ZNF300: variants seen among roughly 807,000 people sequenced by gnomAD.
The protein encoded by ZNF300 is kruppel-like zinc finger protein.
A neutral mutation model predicts 13.9 loss-of-function variants in ZNF300; 6 were observed. The observed-to-expected ratio is 0.43, with a 90% confidence interval of 0.24 to 0.85. The LOEUF (loss-of-function observed/expected upper bound fraction) is 0.85. Among genes scored for constraint, ZNF300 ranks in the 40% least tolerant of loss-of-function variants. The probability of loss-of-function intolerance (pLI) is 0.25; values close to 1 mark genes in which losing one functional copy is unlikely to be tolerated. For synonymous variants in ZNF300, 237 were observed against 242.2 expected, an observed-to-expected ratio of 0.98 and a Z score of 0.20; for missense variants, 662 against 714.2, an observed-to-expected ratio of 0.93 and a Z score of 0.83.
Position 150,896,804 on chromosome 5 carries a change from G to T in ZNF300, c.435C>A (p.Phe145Leu). 6.2e-7 allele frequency: 1 copy of T among 1,613,724 alleles called. No homozygotes were observed. The highest frequency in any genetic ancestry group is 8.5e-7 in the Non-Finnish European group (1 of 1,179,758). ...TGCTGTTAACAAATGTGACCTGCCT[G>T]AAGAGTTTGTCTTGATTCTCTAGAA... ...QRFLENQDKL[F>L]RQVTFVNSKT... The change falls in exon 6 of 6, where the codon TTC becomes TTA. Residue 145 changes from phenylalanine (F) to leucine (L), a missense_variant. Transcript: ENST00000274599.
At position 150,898,077 on chromosome 5, in the gene ZNF300, C is replaced by T. The variant is rs1581660623; in HGVS notation, c.250G>A (p.Ala84Thr). 6.2e-7 allele frequency: 1 copy of T among 1,611,134 alleles called. No homozygotes were observed. Among genetic ancestry groups the T allele is most frequent in the African/African-American group, 1.3e-5 (1 of 74,850 alleles). ...TTTCACTTCCCTTGTCTCCCATCTG[C>T]CTGATATTCATCTGGATAGATCCAA... ...SNWIYPDEYQ[A>T]DGRQDRKSNL... Residue 84 changes from alanine to threonine, a missense_variant, in exon 5 of 6, where the codon GCA becomes ACA. Physicochemically the swap from Ala to Thr is moderately conservative, Grantham distance 58. Transcript: ENST00000274599.
At chr5:150,900,059 A>C (rs1754940160) in intron 3 of ZNF300, among the ~76,000 whole-genome samples, 1 of 152,056 alleles carries the variant, frequency 6.6e-6, no homozygotes, top group South Asian at 2.1e-4. Context: ...CAATCCTGTT[A>C]ATTTTCCTAT....
chr5:150,895,830 C>A lies in ZNF300; in HGVS notation c.1409G>T (p.Cys470Phe). The A allele has an allele frequency of 6.2e-7, 1 of 1,613,712 alleles. No individual in the cohort carries two copies. The highest frequency in any genetic ancestry group is 8.5e-7 in the Non-Finnish European group (1 of 1,179,862). The change falls in exon 6 of 6, where the codon TGT becomes TTT. Residue 470 changes from cysteine (C) to phenylalanine (F), a missense_variant. Transcript: ENST00000274599. ...TGACTTGCGGGAGAATGTCTTTCCA[C>A]ATTCAGTACATTCATAAGGTTTTTC... is the stretch of plus-strand genomic sequence containing the variant. ...TGEKPYECTE[C>F]GKTFSRKSQL...
intron 3 of ZNF300, among the ~76,000 whole-genome samples, chr5:150,901,276 A>G (rs193119134): frequency 6.8e-4 from 104 of 152,260 alleles, no homozygotes; most frequent in Admixed American, 3.9e-3. Context: ...TACATTTTCT[A>G]GGAACCACAT....
intron 2 of ZNF300, 67 bp from the exon 3 acceptor site, chr5:150,903,249 T>A (rs1755045591): frequency 6.2e-6 from 10 of 1,611,594 alleles, no homozygotes; most frequent in Non-Finnish European, 8.5e-6. Context: ...GCTTTCACAT[T>A]CACCAATCTT....
At chr5:150,898,039 A>G in intron 5 of ZNF300, 23 bp downstream of exon 5, 1 of 1,602,984 alleles carries the variant, frequency 6.2e-7, no homozygotes, top group Non-Finnish European at 8.5e-7. Context: ...AATTAAAAAA[A>G]CATAAATTGA....
In ZNF300 at chr5:150,896,068, A is replaced by C; in HGVS notation, c.1171T>G (p.Ser391Ala). 1.2e-6 allele frequency: 2 copies of C among 1,613,290 alleles called. No individual in the cohort carries two copies. The highest frequency in any genetic ancestry group is 1.7e-6 in the Non-Finnish European group (2 of 1,179,690). Residue 391 changes from serine (S) to alanine (A), a missense_variant, in exon 6 of 6, where the codon TCC becomes GCC. By Grantham distance (99) the Ser-to-Ala change is moderately conservative (BLOSUM62 1). Transcript: ENST00000274599. ...TGTATAATCAGCTGTGACTTCTGGG[A>C]AAAGGCCTTCCCACACTCTCTACAT... ...YECRECGKAF[S>A]QKSQLIIHHR...
Position 150,898,508 on chromosome 5 carries a change from T to G in ZNF300, c.62A>C (p.Glu21Ala), listed in dbSNP as rs755528018. ...CTGAGAAGGGTCAAGTTGCTGCCAC[T>G]CCTCCTGGGTGAAATCCACAGCCAC... ...KDVAVDFTQE[E>A]WQQLDPSQRT... The change falls in exon 4 of 6, where the codon GAG becomes GCG. Residue 21 changes from glutamate (E) to alanine (A), a missense_variant. Physicochemically the swap from Glu to Ala is moderately radical, Grantham distance 107 (BLOSUM62 -1). Coordinates refer to ENST00000274599, the MANE Select transcript of ZNF300 (RefSeq NM_052860.4). The G allele has an allele frequency of 6.2e-7, 1 of 1,612,976 alleles. No individual in the cohort carries two copies. Among genetic ancestry groups the G allele is most frequent in the East Asian group, 2.2e-5 (1 of 44,818 alleles).
intron 3 of ZNF300, among the ~76,000 whole-genome samples, chr5:150,898,927 C>T (rs1754897011): frequency 1.3e-5 from 2 of 151,926 alleles, no homozygotes; most frequent in Admixed American, 6.6e-5. Context: ...CCCCCAGTAC[C>T]TCAAAATGTG....
intron 3 of ZNF300, among the ~76,000 whole-genome samples, chr5:150,899,422 A>T (rs1754917236): frequency 1.4e-5 from 2 of 139,116 alleles, no homozygotes; most frequent in South Asian, 2.4e-4. Context: ...TTTTTTTTTA[A>T]AAAAAGAAAA....
At position 150,898,411 on chromosome 5, in the gene ZNF300, A is replaced by T; in HGVS notation, c.142+17T>A. 6.2e-7 allele frequency: 1 copy of T among 1,613,444 alleles called. No individual in the cohort carries two copies. The highest frequency in any genetic ancestry group is 8.5e-7 in the Non-Finnish European group (1 of 1,179,562). ...TTGATTGGACAACTCTGAGTTATTCAGGGAAGCCATCCTTACCCATTGAGA... is the reference window on the plus strand; with the variant it reads ...TTGATTGGACAACTCTGAGTTATTCTGGGAAGCCATCCTTACCCATTGAGA... On this transcript the variant is annotated intron_variant, in intron 4 of 5. Coordinates refer to ENST00000274599, the MANE Select transcript of ZNF300 (RefSeq NM_052860.4).
chr5:150,903,427 G>T, intron 2 of ZNF300: 2 of 1,399,486 alleles, frequency 1.4e-6, no homozygotes, highest in Non-Finnish European at 2.0e-6. Context: ...TTTATAATTG[G>T]ATAGATGTGA....
intron 3 of ZNF300, 39 bp from the exon 4 acceptor site, chr5:150,898,593 TC>T (rs1400407349): frequency 6.5e-7 from 1 of 1,537,614 alleles, no homozygotes; most frequent in South Asian, 1.3e-5. Flanking sequence ...AAATGATCAT[TC>T]TCATAATTTC....
Position 150,896,531 on chromosome 5 carries a change from A to G in ZNF300, c.708T>C (p.Asn236=). 2 of 1,613,698 alleles carry G rather than the reference A, an allele frequency of 1.2e-6. No individual in the cohort carries two copies. The highest frequency in any genetic ancestry group is 1.7e-6 in the Non-Finnish European group (2 of 1,179,834). The part of the protein sequence containing the change: ...EPNSNLEKIH[N]GVIPFDDNQC... The stretch of plus-strand genomic sequence containing the variant: ...GATTATCATCAAAAGGTATTACTCC[A>G]TTGTGAATCTTCTCAAGATTAGAAT... The change falls in exon 6 of 6, where the codon AAT becomes AAC. Residue 236 remains asparagine (N), a synonymous_variant. Coordinates refer to ENST00000274599, the MANE Select transcript of ZNF300 (RefSeq NM_052860.4).
At chr5:150,903,106 A>G (rs765783863) in intron 3 of ZNF300, 35 bp downstream of exon 3, 2 of 1,558,876 alleles carry the variant, frequency 1.3e-6, no homozygotes, top group Non-Finnish European at 1.8e-6. Context: ...GAAAAACCAA[A>G]GAAGAATTTT....
In ZNF300 at chr5:150,895,875, T is replaced by A. The variant is rs748426240; in HGVS notation, c.1364A>T (p.His455Leu). Residue 455 changes from histidine (H) to leucine (L), a missense_variant, in exon 6 of 6, where the codon CAT (histidine) becomes CTT (leucine). Coordinates refer to ENST00000274599, the MANE Select transcript of ZNF300 (RefSeq NM_052860.4). ...TTTTTCCCCAGTATGAACTAACTGA[T>A]GTGTAATGAGTTCTGTCTTCCTGCT... Reference protein sequence around the residue: ...AFSRKTELITHQLVHTGEKPY... With the variant: ...AFSRKTELITLQLVHTGEKPY... 1.2e-6 allele frequency: 2 copies of A among 1,613,696 alleles called. No homozygotes were observed. Among genetic ancestry groups the A allele is most frequent in the Admixed American group, 1.7e-5 (1 of 59,852 alleles).
Position 150,896,302 on chromosome 5 carries a change from CA to C in ZNF300, c.936del (p.Val313LeufsTer84). The C allele has an allele frequency of 6.2e-7, 1 of 1,613,522 alleles. No homozygotes were observed. The highest frequency in any genetic ancestry group is 1.1e-5 in the South Asian group (1 of 91,044). On this transcript the variant is annotated frameshift_variant, in exon 6 of 6. Transcript: ENST00000274599. LOFTEE classifies it low-confidence loss of function (END_TRUNC). ...CGKAFSEKFH[L>X]VVHQRTHTGE... ...CCAGTATGAGTTCTCTGATGTACAA[CA>C]AGATGAAACTTCTCACTGAAGGCTT... is the stretch of plus-strand genomic sequence containing the variant.
In ZNF300 at chr5:150,898,122, T is replaced by C; in HGVS notation, c.205A>G (p.Ile69Val). Residue 69 changes from isoleucine to valine, a missense_variant, in exon 5 of 6, where the codon ATA becomes GTA. Coordinates refer to ENST00000274599, the MANE Select transcript of ZNF300 (RefSeq NM_052860.4). ...KLEQGEEPWI[I>V]KGDISNWIYP... Reference sequence around the variant, plus strand: ...ATCCAATTTGATATGTCTCCCTTTATGATCCATGGCTCTTCTCCTTGTTCC... The same window carrying C: ...ATCCAATTTGATATGTCTCCCTTTACGATCCATGGCTCTTCTCCTTGTTCC... 3 of 1,613,700 alleles carry C rather than the reference T, an allele frequency of 1.9e-6. No individual in the cohort carries two copies. The highest frequency in any genetic ancestry group is 2.5e-6 in the Non-Finnish European group (3 of 1,179,748).
chr5:150,900,560 T>C (rs917241728), intron 3 of ZNF300: 1 of 152,152 alleles, frequency 6.6e-6, no homozygotes, highest in Non-Finnish European at 1.5e-5. Context: ...GTGTTAATGT[T>C]GGTTTCTACA....
Sources: gnomAD v4.1 joint callset for allele counts (sites outside exome capture counted in the v4.1 genomes callset) on GRCh38, gnomAD v4.1.1 for gene constraint, MANE v1.5 for transcripts, NCBI Gene and HGNC (gene_info 2026-07-23, HGNC 2026-07-21) for gene names.